The following PABPC4L variants were observed in gnomAD, a reference collection of about 807,000 sequenced individuals.
PABPC4L encodes the protein poly(A) binding protein cytoplasmic 4 like, also known as polyadenylate-binding protein 4-like.
For synonymous variants in PABPC4L, 169 were observed against 164.1 expected (o/e 1.03, Z -0.23); for missense variants, 452 against 451.4 (o/e 1.00, Z -0.01).
At chr4:134,012,733 A>G in the PABPC4L span, among the ~76,000 whole-genome samples, 1 of 152,172 alleles carries the variant, frequency 6.6e-6, no homozygotes, top group Non-Finnish European at 1.5e-5. Flanking sequence ...CCTCAGACCA[A>G]CCAGCCCAAG....
the PABPC4L span, among the ~76,000 whole-genome samples, chr4:133,976,341 T>G: frequency 6.6e-6 from 1 of 152,320 alleles, no homozygotes; most frequent in East Asian, 1.9e-4. Context: ...ACATTTTATT[T>G]ATTCAGTCTA....
At chr4:133,960,301 C>T in the PABPC4L span, among the ~76,000 whole-genome samples, 3 of 152,148 alleles carry the variant, frequency 2.0e-5, no homozygotes, top group Non-Finnish European at 4.4e-5. Context: ...ACACACACCC[C>T]CACTGAGGAA....
chr4:134,155,142 C>T, the PABPC4L span, among the ~76,000 whole-genome samples: 1 of 151,944 alleles, frequency 6.6e-6, no homozygotes, highest in Admixed American at 6.6e-5. Context: ...GATTACATTT[C>T]AAAGAAAGCA....
At chr4:134,118,242 T>C in the PABPC4L span, among the ~76,000 whole-genome samples, 1 of 151,754 alleles carries the variant, frequency 6.6e-6, no homozygotes, top group Non-Finnish European at 1.5e-5. Context: ...AGAGTTCCTG[T>C]AAAGGATGTC....
the PABPC4L span, among the ~76,000 whole-genome samples, chr4:134,164,223 A>G: frequency 8.1e-6 from 1 of 122,904 alleles, no homozygotes; most frequent in Non-Finnish European, 1.6e-5. Context: ...AGATCCCGCC[A>G]CTGCACTCCA....
At chr4:134,113,113 CTGAT>C in the PABPC4L span, among the ~76,000 whole-genome samples, 2 of 151,854 alleles carry the variant, frequency 1.3e-5, no homozygotes, top group Non-Finnish European at 2.9e-5. Flanking sequence ...TCTGTACAGT[CTGAT>C]TGTGTTTTAA....
the PABPC4L span, among the ~76,000 whole-genome samples, chr4:134,083,203 A>G: frequency 6.6e-6 from 1 of 152,148 alleles, no homozygotes; most frequent in Non-Finnish European, 1.5e-5. Context: ...GATGGTTTAC[A>G]TTGAGTCTCT....
At chr4:134,085,631 G>T in the PABPC4L span, among the ~76,000 whole-genome samples, 2 of 152,072 alleles carry the variant, frequency 1.3e-5, no homozygotes, top group Non-Finnish European at 2.9e-5. Context: ...ACCATATGTT[G>T]TTTTTGCTTT....
the PABPC4L span, among the ~76,000 whole-genome samples, chr4:134,146,836 G>T: frequency 3.4e-4 from 51 of 152,142 alleles, no homozygotes; most frequent in East Asian, 8.1e-3. Flanking sequence ...CCAATCTAGA[G>T]AGAGTGAGTA....
the PABPC4L span, among the ~76,000 whole-genome samples, chr4:134,061,139 T>C: frequency 6.6e-6 from 1 of 152,118 alleles, no homozygotes; most frequent in Non-Finnish European, 1.5e-5. Flanking sequence ...TCATTTACCC[T>C]GATGTGATTA....
At chr4:133,977,156 T>C in the PABPC4L span, among the ~76,000 whole-genome samples, 1 of 152,234 alleles carries the variant, frequency 6.6e-6, no homozygotes, top group Non-Finnish European at 1.5e-5. Context: ...CCCAGCACCA[T>C]TTATTAAATA....
the PABPC4L span, among the ~76,000 whole-genome samples, chr4:134,170,049 C>G: frequency 6.6e-6 from 1 of 152,122 alleles, no homozygotes; most frequent in Non-Finnish European, 1.5e-5. Flanking sequence ...ACTCCACACT[C>G]AAGTAGACCT....
the PABPC4L span, among the ~76,000 whole-genome samples, chr4:134,153,127 T>C: frequency 1.2e-4 from 19 of 152,246 alleles, no homozygotes; most frequent in Admixed American, 6.5e-4. Flanking sequence ...GATCATCACA[T>C]TGGGGATAAA....
chr4:134,035,801 G>A, the PABPC4L span, among the ~76,000 whole-genome samples: 22 of 152,016 alleles, frequency 1.4e-4, no homozygotes, highest in South Asian at 4.2e-4. Flanking sequence ...TGACTTCTGC[G>A]TAATAGATGT....
chr4:133,957,719 T>C, the PABPC4L span, among the ~76,000 whole-genome samples: 1 of 152,212 alleles, frequency 6.6e-6, no homozygotes. Flanking sequence ...TTCTCTGAAG[T>C]ATAGGTGGAG....
chr4:134,132,551 A>AT, the PABPC4L span, among the ~76,000 whole-genome samples: 1 of 151,838 alleles, frequency 6.6e-6, no homozygotes, highest in Non-Finnish European at 1.5e-5. Flanking sequence ...TAATAAGAGA[A>AT]TAAAAAAAAA....
the PABPC4L span, among the ~76,000 whole-genome samples, chr4:134,174,424 TGCCAGGACA>T: frequency 6.6e-6 from 1 of 152,178 alleles, no homozygotes. Flanking sequence ...TTTACACCAC[TGCCAGGACA>T]GTAGGTGTGT....
the PABPC4L span, among the ~76,000 whole-genome samples, chr4:133,984,433 AT>A: frequency 6.6e-6 from 1 of 151,804 alleles, no homozygotes; most frequent in Non-Finnish European, 1.5e-5. Flanking sequence ...CAAAAATGGC[AT>A]TTTTTCACTT....
the PABPC4L span, among the ~76,000 whole-genome samples, chr4:134,169,597 A>C: frequency 7.7e-4 from 117 of 152,236 alleles, 1 homozygote; most frequent in African/African-American, 2.8e-3. Context: ...GTAAAATTGC[A>C]GGATACAAAA....
Sources: gnomAD v4.1 joint callset for allele counts (sites outside exome capture counted in the v4.1 genomes callset) on GRCh38, gnomAD v4.1.1 for gene constraint, MANE v1.5 for transcripts, NCBI Gene and HGNC (gene_info 2026-07-23, HGNC 2026-07-21) for gene names.